The following BBS9 variants were observed in gnomAD, a reference collection of about 807,000 sequenced individuals.
BBS9 encodes protein PTHB1.
BBS9 carries 89 observed loss-of-function variants against 117.7 expected under a neutral mutation model. That is an observed-to-expected ratio of 0.76 (90% CI 0.64 to 0.90). BBS9 has a LOEUF of 0.90. Ranked by LOEUF, BBS9 falls within the 40% of genes least tolerant of loss-of-function variation. The pLI, the probability that BBS9 is intolerant of heterozygous loss-of-function variation, is 0.00. For synonymous variants in BBS9, 379 were observed against 370.9 expected (o/e 1.02, Z -0.25); for missense variants, 982 against 1,042.2 (o/e 0.94, Z 0.80).
intron 6 of BBS9, among the ~76,000 whole-genome samples, chr7:33,262,667 C>T (rs1798151820): frequency 6.6e-6 from 1 of 152,184 alleles, no homozygotes; most frequent in South Asian, 2.1e-4. Flanking sequence ...CCTCTTACTT[C>T]ATGCGCCCCA....
chr7:33,565,181 T>A (rs533308099), intron 21 of BBS9, among the ~76,000 whole-genome samples: 3 of 152,270 alleles, frequency 2.0e-5, no homozygotes, highest in South Asian at 2.1e-4. Context: ...GCTCAGTAAA[T>A]CTTCATTGTC....
intron 19 of BBS9, among the ~76,000 whole-genome samples, chr7:33,498,586 A>G (rs1192878537): frequency 1.3e-5 from 2 of 152,138 alleles, no homozygotes; most frequent in South Asian, 2.1e-4. Context: ...TATTCTGGGT[A>G]TTTTATATAA....
chr7:33,320,063 G>C (rs1415766403), intron 9 of BBS9, among the ~76,000 whole-genome samples: 1 of 152,042 alleles, frequency 6.6e-6, no homozygotes, highest in African/African-American at 2.4e-5. Flanking sequence ...AAGGCAATGG[G>C]GGTTTCTTCA....
At chr7:33,355,251 C>T (rs1819417082) in intron 15 of BBS9, among the ~76,000 whole-genome samples, 1 of 151,978 alleles carries the variant, frequency 6.6e-6, no homozygotes, top group Non-Finnish European at 1.5e-5. Flanking sequence ...GACATAATTA[C>T]AGCCTGAAGA....
chr7:33,376,051 CA>C (rs1407648008), intron 17 of BBS9, among the ~76,000 whole-genome samples: 3 of 152,010 alleles, frequency 2.0e-5, no homozygotes, highest in Admixed American at 6.5e-5. Context: ...CTTTTAGGTT[CA>C]GGGGTACATG....
intron 21 of BBS9, 124 bp from the exon 22 acceptor site, chr7:33,604,741 C>T: frequency 2.6e-6 from 2 of 764,530 alleles, no homozygotes; most frequent in South Asian, 3.0e-5. Context: ...CAGGCCACTC[C>T]TGAAGATTGT....
At chr7:33,195,651 AT>A (rs1349995971) in intron 5 of BBS9, among the ~76,000 whole-genome samples, 1 of 152,210 alleles carries the variant, frequency 6.6e-6, no homozygotes, top group African/African-American at 2.4e-5. Context: ...ATGTCCACAA[AT>A]CAAAATGTTT....
chr7:33,500,823 T>C (rs1294657334), intron 19 of BBS9, among the ~76,000 whole-genome samples: 1 of 152,220 alleles, frequency 6.6e-6, no homozygotes, highest in African/African-American at 2.4e-5. Flanking sequence ...GTATTTGGGA[T>C]TAATTTCACA....
intron 5 of BBS9, among the ~76,000 whole-genome samples, chr7:33,247,459 C>T (rs1338613289): frequency 1.3e-5 from 2 of 152,004 alleles, no homozygotes; most frequent in Non-Finnish European, 2.9e-5. Context: ...CCAGTCCCTC[C>T]CCTCCCAACA....
Position 33,436,702 on chromosome 7 carries a change from C to T in BBS9, c.2115+48558C>T, listed in dbSNP as rs535369095. Among the ~76,000 whole-genome samples, 289 of 152,306 alleles carry T rather than the reference C, an allele frequency of 1.9e-3. 1 individual carries two copies. The highest frequency in any genetic ancestry group is 6.2e-3 in the African/African-American group (257 of 41,576). On this transcript the variant is annotated intron_variant, in intron 19 of 22. Coordinates refer to ENST00000242067, the MANE Select transcript of BBS9 (RefSeq NM_198428.3). Reference sequence around the variant, plus strand: ...TCCACCTTGACCATGGCATTGATAACGCTGTGTTGCAATTACTTGACTACA... The same window carrying T: ...TCCACCTTGACCATGGCATTGATAATGCTGTGTTGCAATTACTTGACTACA...
At chr7:33,252,399 A>G (rs1583888579) in intron 5 of BBS9, among the ~76,000 whole-genome samples, 1 of 152,138 alleles carries the variant, frequency 6.6e-6, no homozygotes, top group African/African-American at 2.4e-5. Context: ...TTTTCATCCT[A>G]TCATGCTAAG....
intron 11 of BBS9, among the ~76,000 whole-genome samples, chr7:33,343,445 A>C (rs1816922493): frequency 6.6e-6 from 1 of 152,074 alleles, no homozygotes; most frequent in South Asian, 2.1e-4. Context: ...TTAGTTTATG[A>C]TATGCACTGG....
intron 9 of BBS9, among the ~76,000 whole-genome samples, chr7:33,293,143 A>G (rs1240375990): frequency 2.0e-5 from 3 of 152,146 alleles, no homozygotes; most frequent in East Asian, 1.9e-4. Context: ...AGATTTGGTT[A>G]TCTTCTAATG....
chr7:33,433,422 A>G (rs946691526), intron 19 of BBS9, among the ~76,000 whole-genome samples: 7 of 152,212 alleles, frequency 4.6e-5, no homozygotes, highest in African/African-American at 1.4e-4. Flanking sequence ...ATTTTCCCAT[A>G]CCGTGATCCA....
At chr7:33,450,784 C>T (rs1202730987) in intron 19 of BBS9, among the ~76,000 whole-genome samples, 2 of 151,296 alleles carry the variant, frequency 1.3e-5, no homozygotes, top group Non-Finnish European at 2.9e-5. Context: ...TTCTTTGTCA[C>T]ATACATGGTT....
intron 19 of BBS9, among the ~76,000 whole-genome samples, chr7:33,389,147 C>A (rs934028394): frequency 1.3e-5 from 2 of 152,016 alleles, no homozygotes; most frequent in Admixed American, 6.6e-5. Context: ...TATGTGGGTG[C>A]GTGTATTAAG....
chr7:33,588,709 G>A (rs997127423), intron 21 of BBS9, among the ~76,000 whole-genome samples: 2 of 152,178 alleles, frequency 1.3e-5, no homozygotes, highest in African/African-American at 4.8e-5. Flanking sequence ...TTCAAATTGG[G>A]TGGTCAGGAT....
chr7:33,374,901 CA>C (rs954530141), intron 17 of BBS9, among the ~76,000 whole-genome samples: 3,254 of 64,502 alleles, frequency 0.05, 30 homozygotes, highest in South Asian at 0.16. Flanking sequence ...AACTCCGTCT[CA>C]AAAAAAAAAA....
At chr7:33,400,333 C>T (rs904046880) in intron 19 of BBS9, among the ~76,000 whole-genome samples, 1 of 152,054 alleles carries the variant, frequency 6.6e-6, no homozygotes, top group Non-Finnish European at 1.5e-5. Flanking sequence ...AAAATCTTAT[C>T]TTTTTGTGTC....
Sources: gnomAD v4.1 joint callset for allele counts (sites outside exome capture counted in the v4.1 genomes callset) on GRCh38, gnomAD v4.1.1 for gene constraint, MANE v1.5 for transcripts, NCBI Gene and HGNC (gene_info 2026-07-23, HGNC 2026-07-21) for gene names.